Variants in ZBTB20 observed in about 807,000 individuals in gnomAD.
ZBTB20 encodes the protein zinc finger and BTB domain containing 20, also known as zinc finger and BTB domain-containing protein 20.
ZBTB20 carries 9 observed loss-of-function variants against 56.9 expected under a neutral mutation model. The ratio of observed to expected loss-of-function variants is 0.16; its 90% CI spans 0.10 to 0.28. The LOEUF (loss-of-function observed/expected upper bound fraction) is 0.28. Among genes scored for constraint, ZBTB20 ranks in the 10% least tolerant of loss-of-function variants. ZBTB20 has a pLI of 1.00. For missense variants in ZBTB20, 655 were observed against 1,003.0 expected (o/e 0.65, Z 4.69); for synonymous variants, 417 against 420.7 (o/e 0.99, Z 0.11).
At chr3:115,111,827 C>T (rs1449065550) in intron 1 of ZBTB20, among the ~76,000 whole-genome samples, 7 of 152,028 alleles carry the variant, frequency 4.6e-5, no homozygotes. Flanking sequence ...GAAATGTTAC[C>T]ATGACTAATC....
At chr3:114,648,172 TTAATTA>T (rs1427168524) in intron 6 of ZBTB20, among the ~76,000 whole-genome samples, 14 of 151,812 alleles carry the variant, frequency 9.2e-5, no homozygotes, top group African/African-American at 3.4e-4. Context: ...GAGAAAACAA[TTAATTA>T]TAATTAATAT....
intron 5 of ZBTB20, among the ~76,000 whole-genome samples, chr3:114,748,347 T>TTTCTC (rs1560202375): frequency 1.9e-4 from 16 of 84,048 alleles, no homozygotes; most frequent in Middle Eastern, 5.7e-3. Context: ...CTTTCTTTCT[T>TTTCTC]TCTTTTCTCT....
chr3:114,757,851 G>A (rs1222348527), intron 5 of ZBTB20, among the ~76,000 whole-genome samples: 2 of 152,098 alleles, frequency 1.3e-5, no homozygotes, highest in East Asian at 3.9e-4. Flanking sequence ...TCTAAAACAT[G>A]AGAGTCATCT....
At chr3:114,638,928 C>A (rs2059416466) in intron 6 of ZBTB20, among the ~76,000 whole-genome samples, 1 of 151,966 alleles carries the variant, frequency 6.6e-6, no homozygotes, top group East Asian at 1.9e-4. Context: ...GAAGACAATA[C>A]CATGCAGTTC....
intron 6 of ZBTB20, among the ~76,000 whole-genome samples, chr3:114,621,160 A>C (rs1301338588): frequency 6.6e-6 from 1 of 152,198 alleles, no homozygotes; most frequent in Non-Finnish European, 1.5e-5. Context: ...TTGAAGCTGT[A>C]CATAATAGAA....
At chr3:114,424,848 A>G (rs4257512) in intron 7 of ZBTB20, among the ~76,000 whole-genome samples, 10,146 of 152,234 alleles carry the variant, frequency 0.067, 433 homozygotes, top group East Asian at 0.19. Context: ...TGTCATTCTG[A>G]AGAAAGCTGG....
intron 1 of ZBTB20, among the ~76,000 whole-genome samples, chr3:115,097,664 T>G (rs977190363): frequency 6.6e-6 from 1 of 152,114 alleles, no homozygotes. Context: ...TGAAACACAC[T>G]GTGACCTGAC....
intron 6 of ZBTB20, among the ~76,000 whole-genome samples, chr3:114,661,102 T>C (rs2060696785): frequency 6.6e-6 from 1 of 152,136 alleles, no homozygotes; most frequent in East Asian, 1.9e-4. Flanking sequence ...TGGAGCTAAG[T>C]AGACTGTTCA....
rs1368668960 is a variant in ZBTB20, at chr3:114,880,979, G to A, written c.-417+19325C>T. Among the ~76,000 whole-genome samples the A allele has an allele frequency of 4.6e-5, 7 of 151,754 alleles. 1 individual carries two copies. In the South Asian group the frequency reaches 8.3e-4, roughly 18 times the overall value. On this transcript the variant is annotated intron_variant, in intron 4 of 11. Coordinates refer to ENST00000675478, the MANE Select transcript of ZBTB20 (RefSeq NM_001348800.3). ...TTCCAAATAGTTTTACACTGATAGC[G>A]TACTACTTTTAGAAAGGAAATATAA... is the stretch of plus-strand genomic sequence containing the variant.
Position 114,661,678 on chromosome 3 carries a change from T to G in ZBTB20, c.-295+31850A>C, listed in dbSNP as rs533946419. 2.6e-5 allele frequency among the ~76,000 whole-genome samples: 4 copies of G among 152,272 alleles called. No individual in the cohort carries two copies. In the East Asian group the frequency reaches 7.7e-4, roughly 29 times the overall value. On this transcript the variant is annotated intron_variant, in intron 6 of 11. Transcript: ENST00000675478. ...ATTTATAAATCAAAAATTAGTTTAC[T>G]CTGCCTGGCTTCCAAAACCATTTGC...
At chr3:114,990,854 A>G (rs2078772906) in intron 2 of ZBTB20, among the ~76,000 whole-genome samples, 1 of 152,096 alleles carries the variant, frequency 6.6e-6, no homozygotes, top group Non-Finnish European at 1.5e-5. Context: ...GTGTTCAGGA[A>G]TTTATCCATT....
chr3:114,556,430 A>G (rs1188904059), intron 6 of ZBTB20, among the ~76,000 whole-genome samples: 2 of 151,972 alleles, frequency 1.3e-5, no homozygotes, highest in African/African-American at 4.8e-5. Context: ...CTCAGTGCTC[A>G]GACACCCTGA....
chr3:115,094,055 C>T (rs1425818474), intron 1 of ZBTB20, among the ~76,000 whole-genome samples: 1 of 152,104 alleles, frequency 6.6e-6, no homozygotes, highest in African/African-American at 2.4e-5. Context: ...TATCCCTTCA[C>T]ATTATCTCAA....
intron 6 of ZBTB20, among the ~76,000 whole-genome samples, chr3:114,517,111 T>C (rs1365541602): frequency 2.0e-5 from 3 of 152,222 alleles, no homozygotes. Flanking sequence ...ATCACGTTAC[T>C]GCATTTTTTG....
At chr3:114,789,099 A>C (rs575539730) in intron 5 of ZBTB20, among the ~76,000 whole-genome samples, 1 of 152,260 alleles carries the variant, frequency 6.6e-6, no homozygotes, top group Non-Finnish European at 1.5e-5. Context: ...GGACCTTTCA[A>C]GTTTGGTCAC....
At chr3:114,485,700 TGG>T (rs1158797051) in intron 7 of ZBTB20, among the ~76,000 whole-genome samples, 1 of 152,162 alleles carries the variant, frequency 6.6e-6, no homozygotes, top group African/African-American at 2.4e-5. Flanking sequence ...CCCTCATGAA[TGG>T]ATTTGTGCCC....
At chr3:114,676,825 A>C (rs1056125236) in intron 6 of ZBTB20, among the ~76,000 whole-genome samples, 3 of 133,996 alleles carry the variant, frequency 2.2e-5, no homozygotes, top group African/African-American at 8.8e-5. Flanking sequence ...GCCAGGCTGG[A>C]GTGCAGTGGC....
intron 6 of ZBTB20, among the ~76,000 whole-genome samples, chr3:114,541,889 T>C (rs2049155243): frequency 6.6e-6 from 1 of 152,120 alleles, no homozygotes; most frequent in African/African-American, 2.4e-5. Context: ...GCTTGTAGGA[T>C]TATTAGGAAG....
At chr3:114,559,689 A>G (rs2051754264) in intron 6 of ZBTB20, among the ~76,000 whole-genome samples, 1 of 152,220 alleles carries the variant, frequency 6.6e-6, no homozygotes, top group Admixed American at 6.5e-5. Context: ...GCTGGCTTCA[A>G]CATTTTCTGT....
Sources: gnomAD v4.1 joint callset for allele counts (sites outside exome capture counted in the v4.1 genomes callset) on GRCh38, gnomAD v4.1.1 for gene constraint, MANE v1.5 for transcripts, NCBI Gene and HGNC (gene_info 2026-07-23, HGNC 2026-07-21) for gene names.